The following CNOT4 variants were observed in gnomAD, a reference collection of about 807,000 sequenced individuals.
The protein encoded by CNOT4 is CCR4-NOT transcription complex subunit 4, also known as CCR4-associated factor 4.
A neutral mutation model predicts 73.8 loss-of-function variants in CNOT4; 8 were observed. That is an observed-to-expected ratio of 0.11 (90% CI 0.06 to 0.20). The LOEUF (loss-of-function observed/expected upper bound fraction) is 0.20. Among genes scored for constraint, CNOT4 ranks in the 10% least tolerant of loss-of-function variants. The pLI is 1.00. For missense variants in CNOT4, 564 were observed against 883.4 expected (o/e 0.64, Z 4.58); for synonymous variants, 293 against 321.1 (o/e 0.91, Z 0.94).
intron 1 of CNOT4, among the ~76,000 whole-genome samples, chr7:135,442,256 T>C (rs1799522413): frequency 6.6e-6 from 1 of 152,218 alleles, no homozygotes; most frequent in Admixed American, 6.5e-5. Context: ...CAAATTTTCA[T>C]TTAGAGAATA....
chr7:135,488,411 C>A (rs908734777), intron 1 of CNOT4, among the ~76,000 whole-genome samples: 17 of 152,196 alleles, frequency 1.1e-4, no homozygotes, highest in Non-Finnish European at 1.5e-4. Flanking sequence ...AGGGGTTTCA[C>A]CGTGTTGGCC....
At chr7:135,387,849 T>G in intron 10 of CNOT4, 1 of 976,864 alleles carries the variant, frequency 1.0e-6, no homozygotes, top group South Asian at 4.7e-5. Flanking sequence ...TGGCCTAATT[T>G]TAGAGGACAT....
intron 9 of CNOT4, among the ~76,000 whole-genome samples, 185 bp downstream of exon 9, chr7:135,395,449 T>C (rs1796626031): frequency 6.6e-6 from 1 of 152,186 alleles, no homozygotes; most frequent in South Asian, 2.1e-4. Flanking sequence ...TTTAACACAG[T>C]AATTTCTAGG....
chr7:135,487,280 C>A (rs781705588), intron 1 of CNOT4, among the ~76,000 whole-genome samples: 5 of 151,984 alleles, frequency 3.3e-5, no homozygotes, highest in Non-Finnish European at 7.4e-5. Flanking sequence ...CCCTCTCACC[C>A]AGGCTAGAGT....
chr7:135,382,933 G>A (rs978064962), intron 10 of CNOT4, among the ~76,000 whole-genome samples: 4 of 152,076 alleles, frequency 2.6e-5, no homozygotes, highest in Non-Finnish European at 5.9e-5. Context: ...TCTTCACCCT[G>A]CTCTACTACC....
At chr7:135,441,837 G>C (rs1054359177) in intron 1 of CNOT4, among the ~76,000 whole-genome samples, 25 of 152,220 alleles carry the variant, frequency 1.6e-4, no homozygotes, top group African/African-American at 6.0e-4. Context: ...TTTCAGTTTA[G>C]GGGGAGGTTT....
At chr7:135,432,571 G>C (rs1219678003) in intron 2 of CNOT4, among the ~76,000 whole-genome samples, 3 of 151,942 alleles carry the variant, frequency 2.0e-5, no homozygotes, top group Non-Finnish European at 4.4e-5. Flanking sequence ...TTGCATTTTG[G>C]ACTGGTTGCC....
In CNOT4 at chr7:135,410,592, A is replaced by G; in HGVS notation, c.744T>C (p.Asn248=). The part of the protein sequence containing the change: ...QKLLQELYKL[N]PNFLQLSTGS... ...CCGTAGATAGCTGAAGAAAATTGGG[A>G]TTTAATTTATATAATTCTTGAAGTA... is the stretch of plus-strand genomic sequence containing the variant. The change falls in exon 7 of 12, where the codon AAT becomes AAC. Residue 248 remains asparagine (N), a synonymous_variant. Coordinates refer to ENST00000541284, the MANE Select transcript of CNOT4 (RefSeq NM_001190850.2). 1 of 1,596,662 alleles carries G rather than the reference A, an allele frequency of 6.3e-7. No individual in the cohort carries two copies. The highest frequency in any genetic ancestry group is 8.5e-7 in the Non-Finnish European group (1 of 1,172,028).
chr7:135,489,371 GA>G (rs1194574345), intron 1 of CNOT4, among the ~76,000 whole-genome samples: 1 of 141,964 alleles, frequency 7.0e-6, no homozygotes, highest in African/African-American at 2.6e-5. Flanking sequence ...GCACAATCTT[GA>G]TTCAGACTAG....
chr7:135,453,377 T>G (rs1800295510), intron 1 of CNOT4, among the ~76,000 whole-genome samples: 2 of 152,062 alleles, frequency 1.3e-5, no homozygotes, highest in South Asian at 4.2e-4. Context: ...TACCACCTCC[T>G]AAATTCTAAC....
chr7:135,507,247 C>G (rs1804436568), intron 1 of CNOT4, among the ~76,000 whole-genome samples: 1 of 152,190 alleles, frequency 6.6e-6, no homozygotes, highest in East Asian at 1.9e-4. Flanking sequence ...AATAGGCCAA[C>G]TTTAAGCGAT....
chr7:135,402,720 A>G (rs769801179), intron 7 of CNOT4, among the ~76,000 whole-genome samples: 21 of 152,180 alleles, frequency 1.4e-4, no homozygotes, highest in African/African-American at 5.1e-4. Context: ...TGTTTTACAG[A>G]TAAAGAAATC....
At chr7:135,498,090 A>G (rs1803710848) in intron 1 of CNOT4, among the ~76,000 whole-genome samples, 3 of 152,216 alleles carry the variant, frequency 2.0e-5, no homozygotes, top group Admixed American at 2.0e-4. Context: ...AAGACGGTAA[A>G]GTAACAACCT....
At chr7:135,481,182 A>G (rs1802357245) in intron 1 of CNOT4, among the ~76,000 whole-genome samples, 1 of 152,184 alleles carries the variant, frequency 6.6e-6, no homozygotes, top group African/African-American at 2.4e-5. Flanking sequence ...ATATTTGCAA[A>G]CTATTAATGT....
At chr7:135,470,562 ACT>A (rs1324407399) in intron 1 of CNOT4, among the ~76,000 whole-genome samples, 5 of 117,634 alleles carry the variant, frequency 4.3e-5, no homozygotes, top group Non-Finnish European at 8.9e-5. Context: ...ACAGAGCTAG[ACT>A]CTGTCTTAAA....
intron 1 of CNOT4, among the ~76,000 whole-genome samples, chr7:135,501,422 T>G (rs565812299): frequency 2.6e-5 from 4 of 152,186 alleles, no homozygotes; most frequent in Non-Finnish European, 5.9e-5. Context: ...CTTCAAAACC[T>G]TGGTGTCACT....
chr7:135,428,525 A>G (rs1798638077), intron 2 of CNOT4, among the ~76,000 whole-genome samples: 1 of 152,212 alleles, frequency 6.6e-6, no homozygotes, highest in African/African-American at 2.4e-5. Flanking sequence ...GAGAAAAAAA[A>G]GAGCAAACAT....
At chr7:135,491,453 C>G (rs1282428183) in intron 1 of CNOT4, among the ~76,000 whole-genome samples, 1 of 152,134 alleles carries the variant, frequency 6.6e-6, no homozygotes, top group Non-Finnish European at 1.5e-5. Flanking sequence ...GCAAGTTAAA[C>G]AAGTATATCA....
intron 10 of CNOT4, chr7:135,388,716 A>G: frequency 6.5e-7 from 1 of 1,537,284 alleles, no homozygotes. Flanking sequence ...TAAAAGCAAA[A>G]TCATAAAGGA....
Sources: gnomAD v4.1 joint callset for allele counts (sites outside exome capture counted in the v4.1 genomes callset) on GRCh38, gnomAD v4.1.1 for gene constraint, MANE v1.5 for transcripts, NCBI Gene and HGNC (gene_info 2026-07-23, HGNC 2026-07-21) for gene names.